The following CCDC102B variants were observed in gnomAD, a reference collection of about 807,000 sequenced individuals.
CCDC102B encodes coiled-coil domain-containing protein 102B.
CCDC102B carries 75 observed loss-of-function variants against 57.4 expected under a neutral mutation model. That is an observed-to-expected ratio of 1.31 (90% CI 1.08 to 1.58). CCDC102B has a LOEUF of 1.58. Ranked by LOEUF, CCDC102B falls within the 40% of genes most tolerant of loss-of-function variation. The pLI, the probability that CCDC102B is intolerant of heterozygous loss-of-function variation, is 0.00. For missense variants in CCDC102B, 636 were observed against 582.6 expected (o/e 1.09, Z -0.94); for synonymous variants, 206 against 201.9 (o/e 1.02, Z -0.17).
chr18:68,783,415 A>G (rs2035073648), intron 2 of CCDC102B, among the ~76,000 whole-genome samples: 1 of 152,062 alleles, frequency 6.6e-6, no homozygotes. Context: ...ACTTCATTCA[A>G]ATGTCACTTC....
intron 6 of CCDC102B, among the ~76,000 whole-genome samples, chr18:68,984,720 A>G (rs771497142): frequency 1.2e-4 from 19 of 152,292 alleles, no homozygotes; most frequent in Non-Finnish European, 2.4e-4. Context: ...CTTCTCTTTT[A>G]GAAATACCAA....
Position 69,034,989 on chromosome 18 carries a change from T to A in CCDC102B, c.1435-19041T>A, listed in dbSNP as rs1323273224. ...AATGGAAATCTCTCAAATCTGAACC[T>A]GTGTCATTCCATATAGAATTACTCA... On this transcript the variant is annotated intron_variant, in intron 7 of 7. Coordinates refer to ENST00000360242, the MANE Select transcript of CCDC102B (RefSeq NM_024781.3). 2.0e-5 allele frequency among the ~76,000 whole-genome samples: 3 copies of A among 152,000 alleles called. No homozygotes were observed. The East Asian group carries it at 5.8e-4, about 29-fold the overall frequency.
At chr18:68,734,149 GTAA>G (rs1568223332) in intron 2 of CCDC102B, among the ~76,000 whole-genome samples, 1 of 152,186 alleles carries the variant, frequency 6.6e-6, no homozygotes, top group Non-Finnish European at 1.5e-5. Context: ...AAAGCAGTTA[GTAA>G]TGGTTGCTAT....
intron 2 of CCDC102B, among the ~76,000 whole-genome samples, chr18:68,727,774 A>G (rs2032665324): frequency 6.6e-6 from 1 of 152,228 alleles, no homozygotes; most frequent in Non-Finnish European, 1.5e-5. Flanking sequence ...TCATGGGAGA[A>G]TAGACCAGAT....
chr18:68,831,318 A>C (rs1251221836), intron 1 of CCDC102B, among the ~76,000 whole-genome samples: 1 of 152,088 alleles, frequency 6.6e-6, no homozygotes, highest in African/African-American at 2.4e-5. Flanking sequence ...GTTAATAGCA[A>C]TAGCTTGAAG....
At chr18:68,815,580 G>T (rs1426058481) in intron 1 of CCDC102B, among the ~76,000 whole-genome samples, 1 of 151,866 alleles carries the variant, frequency 6.6e-6, no homozygotes, top group Non-Finnish European at 1.5e-5. Flanking sequence ...ATTAACCAGA[G>T]CATGGGAACA....
At position 68,935,204 on chromosome 18, in the gene CCDC102B, G is replaced by A. The variant is rs182018520; in HGVS notation, c.1263+37776G>A. 3.3e-5 allele frequency among the ~76,000 whole-genome samples: 5 copies of A among 152,046 alleles called. No homozygotes were observed. The East Asian group carries it at 7.8e-4, about 24-fold the overall frequency. On this transcript the variant is annotated intron_variant, in intron 6 of 7. Transcript: ENST00000360242. ...CTAGAGAGATTTTTAAGATAAACATGTGCCCAGTGTGTTGGAAGCCACTGT... is the reference window on the plus strand; with the variant it reads ...CTAGAGAGATTTTTAAGATAAACATATGCCCAGTGTGTTGGAAGCCACTGT...
chr18:68,848,967 T>A (rs1422158505), intron 4 of CCDC102B, among the ~76,000 whole-genome samples: 1 of 152,144 alleles, frequency 6.6e-6, no homozygotes, highest in East Asian at 1.9e-4. Flanking sequence ...GAGCATTTGC[T>A]TGGAATGTTC....
At chr18:69,047,940 A>G (rs943914278) in intron 7 of CCDC102B, among the ~76,000 whole-genome samples, 1 of 152,122 alleles carries the variant, frequency 6.6e-6, no homozygotes, top group Non-Finnish European at 1.5e-5. Flanking sequence ...TCAATATTGT[A>G]TAAATGGCCA....
At chr18:69,009,598 C>A (rs1321948509) in intron 6 of CCDC102B, among the ~76,000 whole-genome samples, 1 of 151,846 alleles carries the variant, frequency 6.6e-6, no homozygotes, top group Non-Finnish European at 1.5e-5. Context: ...GGAAAACTTC[C>A]CCTACGTGAT....
At chr18:68,958,871 T>C (rs1389728100) in intron 6 of CCDC102B, among the ~76,000 whole-genome samples, 1 of 152,174 alleles carries the variant, frequency 6.6e-6, no homozygotes, top group Admixed American at 6.6e-5. Flanking sequence ...AACCTCTTTG[T>C]TAAATTTATC....
intron 6 of CCDC102B, among the ~76,000 whole-genome samples, chr18:68,913,322 G>GTGTGTGTGTGTGTA (rs2040942098): frequency 1.3e-5 from 2 of 151,074 alleles, no homozygotes; most frequent in Non-Finnish European, 3.0e-5. Context: ...GTGTGTGTGT[G>GTGTGTGTGTGTGTA]TGTGTGTGTG....
chr18:68,747,183 A>G (rs1024203020), intron 2 of CCDC102B, among the ~76,000 whole-genome samples: 1 of 152,044 alleles, frequency 6.6e-6, no homozygotes, highest in African/African-American at 2.4e-5. Context: ...CATTCCTTCT[A>G]TCTAATTGTA....
chr18:68,791,465 T>G (rs2035455592), intron 2 of CCDC102B, among the ~76,000 whole-genome samples: 1 of 152,158 alleles, frequency 6.6e-6, no homozygotes, highest in Non-Finnish European at 1.5e-5. Context: ...TAGAAGTCAC[T>G]CAGAAAAATT....
At chr18:68,748,212 G>T (rs1611852) in intron 2 of CCDC102B, among the ~76,000 whole-genome samples, 65 of 47,750 alleles carry the variant, frequency 1.4e-3, no homozygotes, top group African/African-American at 4.8e-3. Flanking sequence ...ACTGGTGTGT[G>T]TGTGTGTGTG....
At chr18:68,955,675 G>C (rs1212726846) in intron 6 of CCDC102B, among the ~76,000 whole-genome samples, 1 of 150,030 alleles carries the variant, frequency 6.7e-6, no homozygotes, top group East Asian at 2.0e-4. Flanking sequence ...GAAACAGTTT[G>C]CTAAAGCTAG....
chr18:68,935,267 A>C (rs1463840619), intron 6 of CCDC102B, among the ~76,000 whole-genome samples: 1 of 152,006 alleles, frequency 6.6e-6, no homozygotes, highest in Non-Finnish European at 1.5e-5. Context: ...GTGGCAGAAG[A>C]TGGGATTTTG....
chr18:68,790,570 C>T (rs556225340), intron 2 of CCDC102B, among the ~76,000 whole-genome samples: 189 of 152,264 alleles, frequency 1.2e-3, no homozygotes, highest in Admixed American at 3.1e-3. Flanking sequence ...GTGCAGTATT[C>T]GGGTGGGAGT....
chr18:68,904,117 TATAAA>T (rs5825883), intron 6 of CCDC102B, among the ~76,000 whole-genome samples: 136,867 of 151,932 alleles, frequency 0.9, 61,726 homozygotes, highest in Admixed American at 0.92. Flanking sequence ...TTTTTACTGT[TATAAA>T]ATAGAAATTA....
Sources: allele counts gnomAD v4.1 joint callset (sites outside exome capture counted in the v4.1 genomes callset), GRCh38; gene constraint gnomAD v4.1.1; transcripts MANE v1.5; gene names NCBI Gene and HGNC (gene_info 2026-07-23, HGNC 2026-07-21).